DISP1: variants seen among roughly 807,000 people sequenced by gnomAD.
The protein encoded by DISP1 is dispatched RND transporter family member 1.
In DISP1, 30 loss-of-function variants were observed where a neutral mutation model predicts 37.3. The ratio of observed to expected loss-of-function variants is 0.80; its 90% CI spans 0.60 to 1.09. The LOEUF is 1.09. Among genes scored for constraint, DISP1 ranks in the 50% least tolerant of loss-of-function variants. The pLI is 0.00. For missense variants in DISP1, 1,598 were observed against 1,879.5 expected, an observed-to-expected ratio of 0.85 and a Z score of 2.77; for synonymous variants, 634 against 690.2, an observed-to-expected ratio of 0.92 and a Z score of 1.28.
chr1:222,882,869 A>G (rs755455421), intron 1 of DISP1, among the ~76,000 whole-genome samples: 1 of 152,180 alleles, frequency 6.6e-6, no homozygotes, highest in Admixed American at 6.5e-5. Context: ...ACACTGAAAA[A>G]ATATTAAAAA....
At position 222,974,585 on chromosome 1, in the gene DISP1, A is replaced by G. The variant is rs140168864; in HGVS notation, c.510-8495A>G. Among the ~76,000 whole-genome samples the G allele has an allele frequency of 2.6e-5, 4 of 152,300 alleles. No homozygotes were observed. In the East Asian group the frequency reaches 7.7e-4, roughly 29 times the overall value. ...AGAAGCTGGCACTTTGTTCAGTTTT[A>G]ACAGTTCTAGACACCAAGATGACCA... On this transcript the variant is annotated intron_variant, in intron 3 of 8. Coordinates refer to ENST00000675850, the MANE Select transcript of DISP1 (RefSeq NM_001377229.1).
intron 3 of DISP1, among the ~76,000 whole-genome samples, chr1:222,969,940 A>C (rs1261150283): frequency 6.6e-6 from 1 of 152,160 alleles, no homozygotes; most frequent in Non-Finnish European, 1.5e-5. Flanking sequence ...TAAAAATTAA[A>C]CTTTATATTT....
intron 1 of DISP1, among the ~76,000 whole-genome samples, chr1:222,867,253 A>C (rs1669246084): frequency 6.6e-6 from 1 of 152,194 alleles, no homozygotes; most frequent in South Asian, 2.1e-4. Context: ...TTTTAAAAGA[A>C]ATCATTTTTA....
chr1:222,967,127 A>ATG (rs1359749749), intron 3 of DISP1, among the ~76,000 whole-genome samples: 1 of 151,674 alleles, frequency 6.6e-6, no homozygotes, highest in South Asian at 2.1e-4. Flanking sequence ...AGATCTACAT[A>ATG]TATATATATC....
intron 1 of DISP1, among the ~76,000 whole-genome samples, chr1:222,920,681 T>C (rs1672763144): frequency 6.6e-6 from 1 of 152,012 alleles, no homozygotes. Flanking sequence ...TTAAGGAGGG[T>C]TGGAATTTTG....
intron 1 of DISP1, among the ~76,000 whole-genome samples, chr1:222,869,896 G>A (rs566099947): frequency 1.6e-3 from 249 of 151,780 alleles, no homozygotes; most frequent in African/African-American, 5.8e-3. Context: ...CCATTAACTC[G>A]TCATTTAGCA....
At chr1:222,871,311 T>C (rs1384658248) in intron 1 of DISP1, among the ~76,000 whole-genome samples, 1 of 152,204 alleles carries the variant, frequency 6.6e-6, no homozygotes, top group Non-Finnish European at 1.5e-5. Flanking sequence ...AAAGTAGTTT[T>C]TTCCAATTCT....
chr1:222,901,256 T>G (rs1172772998), intron 1 of DISP1, among the ~76,000 whole-genome samples: 1 of 152,092 alleles, frequency 6.6e-6, no homozygotes, highest in African/African-American at 2.4e-5. Flanking sequence ...TGTGAGAGAT[T>G]TGAGGAGCCA....
At chr1:222,873,163 T>C (rs1669690509) in intron 1 of DISP1, among the ~76,000 whole-genome samples, 1 of 152,186 alleles carries the variant, frequency 6.6e-6, no homozygotes, top group Non-Finnish European at 1.5e-5. Context: ...TTCTGTTCTT[T>C]TACATTTGCT....
At chr1:222,876,650 A>C (rs1469078500) in intron 1 of DISP1, among the ~76,000 whole-genome samples, 1 of 152,252 alleles carries the variant, frequency 6.6e-6, no homozygotes, top group Non-Finnish European at 1.5e-5. Flanking sequence ...GAAGAGTTGC[A>C]GAATTATAGA....
At chr1:222,958,872 A>C (rs543322121) in intron 3 of DISP1, among the ~76,000 whole-genome samples, 1 of 152,318 alleles carries the variant, frequency 6.6e-6, no homozygotes, top group African/African-American at 2.4e-5. Flanking sequence ...TTGCATGAAC[A>C]TGTAACCAGC....
In DISP1 at chr1:223,002,992, T is replaced by C; in HGVS notation, c.1595T>C (p.Met532Thr). The C allele has an allele frequency of 6.2e-7, 1 of 1,613,926 alleles. No homozygotes were observed. Among genetic ancestry groups the C allele is most frequent in the Non-Finnish European group, 8.5e-7 (1 of 1,180,038 alleles). The change falls in exon 9 of 9, where the codon ATG becomes ACG. Residue 532 changes from methionine (M) to threonine (T), a missense_variant. By Grantham distance (81) the Met-to-Thr change is moderately conservative. Transcript: ENST00000675850. ...TKSMFITLMT[M>T]FAIISSLIVS... ...TCCATGTTTATCACTCTGATGACAA[T>C]GTTTGCAATAATCAGTTCTTTGATT... is the stretch of plus-strand genomic sequence containing the variant.
chr1:222,942,181 C>T (rs889789635), intron 2 of DISP1, among the ~76,000 whole-genome samples: 3 of 151,718 alleles, frequency 2.0e-5, no homozygotes, highest in African/African-American at 4.8e-5. Context: ...GGCAATGTCA[C>T]CTGTAGTATA....
At chr1:222,836,342 T>C (rs1399239228) in intron 1 of DISP1, among the ~76,000 whole-genome samples, 1 of 152,226 alleles carries the variant, frequency 6.6e-6, no homozygotes, top group Non-Finnish European at 1.5e-5. Context: ...TGGTAATGTG[T>C]GACCAAACTT....
At chr1:222,913,752 GAA>G (rs34122430) in intron 1 of DISP1, among the ~76,000 whole-genome samples, 13,288 of 146,558 alleles carry the variant, frequency 0.091, 714 homozygotes, top group Non-Finnish European at 0.12. Context: ...ACAAAAAAAA[GAA>G]AAAAAAAAGG....
In DISP1 at chr1:223,002,728, A is replaced by C. The variant is rs757971360; in HGVS notation, c.1331A>C (p.Tyr444Ser). ...TTTATGACCCCAAAGACGGCTGACTATGCCACGCCAGCTTTAAAATACAGC... is the reference window on the plus strand; with the variant it reads ...TTTATGACCCCAAAGACGGCTGACTCTGCCACGCCAGCTTTAAAATACAGC... The part of the protein sequence containing the change: ...KDFMTPKTAD[Y>S]ATPALKYSML... The change falls in exon 9 of 9, where the codon TAT becomes TCT. Residue 444 changes from tyrosine to serine, a missense_variant. Physicochemically the swap from Tyr to Ser is moderately radical, Grantham distance 144 (BLOSUM62 -2). Transcript: ENST00000675850. 3.1e-6 allele frequency: 5 copies of C among 1,614,162 alleles called. No individual in the cohort carries two copies. In the South Asian group the frequency reaches 5.5e-5, roughly 18 times the overall value.
intron 1 of DISP1, among the ~76,000 whole-genome samples, chr1:222,849,664 G>T (rs984102591): frequency 6.6e-6 from 1 of 152,094 alleles, no homozygotes; most frequent in Non-Finnish European, 1.5e-5. Flanking sequence ...GACTGTTACA[G>T]GCCATACTTC....
intron 3 of DISP1, among the ~76,000 whole-genome samples, chr1:222,966,900 T>C (rs1187639992): frequency 1.3e-5 from 2 of 152,154 alleles, no homozygotes; most frequent in Non-Finnish European, 2.9e-5. Flanking sequence ...TTCACCCTCT[T>C]GGCCAGTCCA....
At position 223,004,002 on chromosome 1, in the gene DISP1, GC is replaced by G; in HGVS notation, c.2608del (p.Leu870CysfsTer56). 1 of 1,614,142 alleles carries G rather than the reference GC, an allele frequency of 6.2e-7. No homozygotes were observed. Among genetic ancestry groups the G allele is most frequent in the Non-Finnish European group, 8.5e-7 (1 of 1,180,026 alleles). ...GGAAAACCAGGACTGTGATGAGCCT[GC>G]CCTGTACCCATGCTGCAGCCACTGG... ...WMENQDCDEP[A>X]LYPCCSHWSF... On this transcript the variant is annotated frameshift_variant, in exon 9 of 9. Transcript: ENST00000675850. LOFTEE classifies it low-confidence loss of function (END_TRUNC). This position sits in a 1 kb window ranked among gnomAD's most constrained non-coding sequence, Gnocchi z 4.9.
Sources: allele counts gnomAD v4.1 joint callset (sites outside exome capture counted in the v4.1 genomes callset), GRCh38; gene constraint gnomAD v4.1.1; non-coding constraint Gnocchi (gnomAD v3.1); transcripts MANE v1.5; gene names NCBI Gene and HGNC (gene_info 2026-07-23, HGNC 2026-07-21).